The following IARS1 variants were observed in gnomAD, a reference collection of about 807,000 sequenced individuals.
IARS1 encodes the protein isoleucine--tRNA ligase, cytoplasmic.
IARS1 carries 124 observed loss-of-function variants against 168.2 expected under a neutral mutation model. The ratio of observed to expected loss-of-function variants is 0.74; its 90% CI spans 0.64 to 0.86. The LOEUF (loss-of-function observed/expected upper bound fraction) is 0.86, where lower values mean the gene tolerates loss of function less well. Among genes scored for constraint, IARS1 ranks in the 40% least tolerant of loss-of-function variants. The pLI is 0.00. For synonymous variants in IARS1, 532 were observed against 529.4 expected, an observed-to-expected ratio of 1.00 and a Z score of -0.07; for missense variants, 1,452 against 1,515.8, an observed-to-expected ratio of 0.96 and a Z score of 0.70.
intron 30 of IARS1, among the ~76,000 whole-genome samples, chr9:92,236,742 G>A (rs113384801): frequency 0.02 from 3,093 of 152,250 alleles, 111 homozygotes; most frequent in African/African-American, 0.07. Flanking sequence ...CCAGCTACTC[G>A]GGAGGCTGAG....
chr9:92,285,292 A>G (rs1408195528), intron 6 of IARS1, among the ~76,000 whole-genome samples: 5 of 152,230 alleles, frequency 3.3e-5, no homozygotes, highest in African/African-American at 1.2e-4. Flanking sequence ...ATCTCATCAG[A>G]GGAAAAATAA....
intron 26 of IARS1, among the ~76,000 whole-genome samples, chr9:92,245,377 T>G (rs1450982235): frequency 1.3e-5 from 2 of 152,202 alleles, no homozygotes; most frequent in African/African-American, 2.4e-5. Flanking sequence ...ATGCTCACCA[T>G]AAACACAGAG....
chr9:92,283,512 C>T (rs541748110), intron 6 of IARS1, among the ~76,000 whole-genome samples: 76 of 152,156 alleles, frequency 5.0e-4, no homozygotes, highest in Middle Eastern at 3.4e-3. Flanking sequence ...GGCATGCTGG[C>T]GGGCACCCGT....
chr9:92,282,148 A>G (rs2133952097), intron 6 of IARS1, among the ~76,000 whole-genome samples: 2 of 152,326 alleles, frequency 1.3e-5, no homozygotes, highest in East Asian at 1.9e-4. Context: ...TAATTCCTGC[A>G]ACTTACTCTC....
At chr9:92,267,267 T>TG (rs1832415588) in intron 14 of IARS1, among the ~76,000 whole-genome samples, 1 of 152,198 alleles carries the variant, frequency 6.6e-6, no homozygotes, top group Non-Finnish European at 1.5e-5. Flanking sequence ...TAGTGAACAC[T>TG]GGTGGCCTCT....
chr9:92,256,602 T>C, intron 20 of IARS1, 78 bp downstream of exon 20: 1 of 1,335,814 alleles, frequency 7.5e-7, no homozygotes, highest in East Asian at 2.3e-5. Context: ...TCTCAATATT[T>C]CCACTATTAA....
chr9:92,238,346 G>A (rs939014227), intron 30 of IARS1, among the ~76,000 whole-genome samples: 7 of 152,164 alleles, frequency 4.6e-5, no homozygotes, highest in Admixed American at 6.5e-5. Context: ...CACTGGTGCC[G>A]ATCCCTCATG....
intron 6 of IARS1, among the ~76,000 whole-genome samples, chr9:92,284,536 C>T (rs1835136360): frequency 6.6e-6 from 1 of 152,084 alleles, no homozygotes; most frequent in African/African-American, 2.4e-5. Flanking sequence ...ACTGTAATTC[C>T]AACACTTTGG....
chr9:92,213,818 AT>A (rs1053211240), intron 33 of IARS1, among the ~76,000 whole-genome samples: 2 of 151,560 alleles, frequency 1.3e-5, no homozygotes, highest in Non-Finnish European at 2.9e-5. Context: ...AATGCCATAG[AT>A]TTTTTTTCTG....
chr9:92,214,582 A>G (rs1838314616), intron 33 of IARS1, among the ~76,000 whole-genome samples: 1 of 152,206 alleles, frequency 6.6e-6, no homozygotes, highest in Non-Finnish European at 1.5e-5. Flanking sequence ...CGCGAGCCGA[A>G]GCAGGGCGAG....
At chr9:92,260,072 A>G in intron 18 of IARS1, 79 bp downstream of exon 18, 1 of 954,318 alleles carries the variant, frequency 1.0e-6, no homozygotes, top group Non-Finnish European at 1.7e-6. Context: ...AACCAAATCT[A>G]AGAATACTGA....
chr9:92,274,434 A>T lies in IARS1; in HGVS notation c.982T>A (p.Phe328Ile), dbSNP rs1176285221. 1.2e-6 allele frequency: 2 copies of T among 1,613,090 alleles called. No individual in the cohort carries two copies. Among genetic ancestry groups the T allele is most frequent in the South Asian group, 1.1e-5 (1 of 91,068 alleles). ...AGACTTATGCTACTCACAGCACCGA[A>T]GTAAGGAGCTTGGTGGACAACCCCT... ...GTGVVHQAPY[F>I]GAEDYRVCMD... The change falls in exon 10 of 34, where the codon TTC (phenylalanine) becomes ATC (isoleucine). Residue 328 changes from phenylalanine (F) to isoleucine (I), a missense_variant. Transcript: ENST00000443024.
rs776999676 is a variant in IARS1, at chr9:92,245,021, T to C, written c.2842A>G (p.Met948Val). ...HELHDEDIRL[M>V]YTFDQATGGT... ...CCTGTGGCCTGATCAAAGGTGTACA[T>C]GAGGCGGATGTCTTCATCGTGCAAT... is the stretch of plus-strand genomic sequence containing the variant. The change falls in exon 27 of 34, where the codon ATG becomes GTG. Residue 948 changes from methionine (M) to valine (V), a missense_variant. Met to Val is a conservative substitution (Grantham distance 21). Transcript: ENST00000443024. The C allele has an allele frequency of 6.2e-6, 10 of 1,614,096 alleles. No homozygotes were observed. The highest frequency in any genetic ancestry group is 3.3e-5 in the South Asian group (3 of 91,094).
rs899716649 is a variant in IARS1 at position 92,240,269 on chromosome 9, CT to C, written c.3283+586del. 6.4e-3 allele frequency: 1,044 copies of C among 163,860 alleles called. 1 individual carries two copies. The highest frequency in any genetic ancestry group is 9.8e-3 in the South Asian group (57 of 5,806). 10.2% of individuals were successfully genotyped at this position (163,860 alleles called of 1,614,324 possible). A position where few individuals can be genotyped will look rare whatever the true frequency, so the allele number is the denominator to read the frequency against. The stretch of plus-strand genomic sequence containing the variant: ...ACTTTAGTGGATTCATTTTTCTTTT[CT>C]TTTTTTTTTTGGTGAGACAGTCTTG... On this transcript the variant is annotated intron_variant, in intron 30 of 33. Coordinates refer to ENST00000443024, the MANE Select transcript of IARS1 (RefSeq NM_002161.6).
chr9:92,273,708 C>G (rs576561619), intron 10 of IARS1, among the ~76,000 whole-genome samples: 2 of 152,040 alleles, frequency 1.3e-5, no homozygotes, highest in African/African-American at 4.8e-5. Flanking sequence ...GTAAAAAATC[C>G]CAGAGATTAA....
intron 33 of IARS1, among the ~76,000 whole-genome samples, chr9:92,212,280 G>A (rs1837887931): frequency 6.6e-6 from 1 of 152,098 alleles, no homozygotes; most frequent in Non-Finnish European, 1.5e-5. Flanking sequence ...ACAATTCTGA[G>A]AGAAAAGGCA....
chr9:92,261,642 T>C (rs1831544331), intron 17 of IARS1, among the ~76,000 whole-genome samples: 1 of 152,240 alleles, frequency 6.6e-6, no homozygotes, highest in South Asian at 2.1e-4. Context: ...TTGTGATATA[T>C]ACTGTAGTTT....
At chr9:92,281,523 T>C (rs571238044) in intron 6 of IARS1, among the ~76,000 whole-genome samples, 82 of 152,086 alleles carry the variant, frequency 5.4e-4, no homozygotes, top group African/African-American at 2.0e-3. Flanking sequence ...CCATCAAGAG[T>C]TAGATCAAAA....
chr9:92,231,126 T>C (rs1826610757), intron 30 of IARS1, among the ~76,000 whole-genome samples: 1 of 152,228 alleles, frequency 6.6e-6, no homozygotes, highest in Non-Finnish European at 1.5e-5. Flanking sequence ...GGACAGTGTT[T>C]TGTGTCAAGG....
Sources: gnomAD v4.1 joint callset for allele counts (sites outside exome capture counted in the v4.1 genomes callset) on GRCh38, gnomAD v4.1.1 for gene constraint, MANE v1.5 for transcripts, NCBI Gene and HGNC (gene_info 2026-07-23, HGNC 2026-07-21) for gene names.